The following RAB3C variants were observed in gnomAD, a reference collection of about 807,000 sequenced individuals.
The protein encoded by RAB3C is ras-related protein Rab-3C.
In RAB3C, 17 loss-of-function variants were observed where a neutral mutation model predicts 26.4. The ratio of observed to expected loss-of-function variants is 0.64; its 90% confidence interval spans 0.44 to 0.97. RAB3C has a LOEUF of 0.97. Ranked by LOEUF, RAB3C falls within the 50% of genes least tolerant of loss-of-function variation. The pLI is 0.00. For synonymous variants in RAB3C, 91 were observed against 95.9 expected (o/e 0.95, Z 0.30); for missense variants, 242 against 281.9 (o/e 0.86, Z 1.01).
At chr5:58,640,586 A>T (rs1290089502) in intron 2 of RAB3C, among the ~76,000 whole-genome samples, 1 of 152,218 alleles carries the variant, frequency 6.6e-6, no homozygotes, top group African/African-American at 2.4e-5. Context: ...AATTACTTCC[A>T]TGATGCTCAG....
chr5:58,714,931 C>A (rs555182791), intron 2 of RAB3C, among the ~76,000 whole-genome samples: 4 of 151,506 alleles, frequency 2.6e-5, no homozygotes, highest in African/African-American at 7.3e-5. Context: ...TATTAGTGGG[C>A]CAATTTCTTG....
At chr5:58,818,376 C>T (rs1743263119) in intron 3 of RAB3C, among the ~76,000 whole-genome samples, 2 of 152,202 alleles carry the variant, frequency 1.3e-5, no homozygotes, top group African/African-American at 4.8e-5. Flanking sequence ...CTTGATGTCT[C>T]ATCCCAGCTT....
At chr5:58,834,290 C>G (rs1386249373) in intron 4 of RAB3C, among the ~76,000 whole-genome samples, 3 of 152,230 alleles carry the variant, frequency 2.0e-5, no homozygotes, top group African/African-American at 7.2e-5. Flanking sequence ...CCTTGGCTAT[C>G]TTAAAGCTTT....
intron 1 of RAB3C, among the ~76,000 whole-genome samples, chr5:58,609,144 C>G (rs1746637613): frequency 6.6e-6 from 1 of 152,110 alleles, no homozygotes; most frequent in Non-Finnish European, 1.5e-5. Flanking sequence ...ACCTATGTAA[C>G]AAACCCGCAT....
At chr5:58,828,896 C>G (rs1366558605) in intron 4 of RAB3C, among the ~76,000 whole-genome samples, 4 of 147,046 alleles carry the variant, frequency 2.7e-5, no homozygotes, top group Admixed American at 1.3e-4. Context: ...TGTTATTTTA[C>G]CATGCTTTTT....
intron 2 of RAB3C, among the ~76,000 whole-genome samples, chr5:58,659,221 T>C (rs158954): frequency 0.67 from 101,923 of 152,136 alleles, 34,395 homozygotes; most frequent in Middle Eastern, 0.77. Flanking sequence ...TAGGTATATA[T>C]ATATATACAC....
In RAB3C at chr5:58,762,805, G is replaced by C. The variant is rs1741826111; in HGVS notation, c.371+36685G>C. Among the ~76,000 whole-genome samples the C allele has an allele frequency of 2.0e-5, 3 of 152,200 alleles. No homozygotes were observed. The South Asian group carries it at 6.2e-4, about 32-fold the overall frequency. On this transcript the variant is annotated intron_variant, in intron 3 of 4. Transcript: ENST00000282878. ...TACAGAGTTTTCCTACTAATAACTA[G>C]CCATCTGAGGAAACTACAATATGTT... is the stretch of plus-strand genomic sequence containing the variant.
intron 2 of RAB3C, among the ~76,000 whole-genome samples, chr5:58,648,963 T>C (rs1055186501): frequency 8.4e-4 from 128 of 152,152 alleles, no homozygotes; most frequent in African/African-American, 2.8e-3. Flanking sequence ...GGGAAAATGA[T>C]CTCACACCCA....
At chr5:58,627,973 C>T (rs564135045) in intron 2 of RAB3C, among the ~76,000 whole-genome samples, 2 of 151,944 alleles carry the variant, frequency 1.3e-5, no homozygotes, top group Non-Finnish European at 2.9e-5. Context: ...CTGGCTAACA[C>T]GGTGAAACCC....
At chr5:58,666,882 G>A (rs1186869888) in intron 2 of RAB3C, among the ~76,000 whole-genome samples, 3 of 152,220 alleles carry the variant, frequency 2.0e-5, no homozygotes, top group Admixed American at 2.0e-4. Context: ...CAGCAGTGAG[G>A]TGATGACGTG....
At chr5:58,708,669 G>A (rs1288394655) in intron 2 of RAB3C, among the ~76,000 whole-genome samples, 1 of 152,120 alleles carries the variant, frequency 6.6e-6, no homozygotes, top group African/African-American at 2.4e-5. Context: ...TTTTTGCATT[G>A]AAATAGGAAT....
At chr5:58,607,734 T>G (rs1746603761) in intron 1 of RAB3C, among the ~76,000 whole-genome samples, 1 of 152,114 alleles carries the variant, frequency 6.6e-6, no homozygotes, top group Non-Finnish European at 1.5e-5. Flanking sequence ...ACCCTACAAG[T>G]GAGAAGAGAG....
chr5:58,832,628 G>A (rs1383018032), intron 4 of RAB3C, among the ~76,000 whole-genome samples: 1 of 152,190 alleles, frequency 6.6e-6, no homozygotes, highest in East Asian at 1.9e-4. Flanking sequence ...CTCAGTGCTA[G>A]AGGAGCTTAA....
chr5:58,798,091 G>C (rs958977646), intron 3 of RAB3C, among the ~76,000 whole-genome samples: 2 of 100,588 alleles, frequency 2.0e-5, no homozygotes, highest in African/African-American at 2.9e-5. Flanking sequence ...GAACATACTT[G>C]GCGGGGGGGC....
At chr5:58,663,405 G>C (rs1747943929) in intron 2 of RAB3C, among the ~76,000 whole-genome samples, 1 of 150,062 alleles carries the variant, frequency 6.7e-6, no homozygotes, top group African/African-American at 2.5e-5. Context: ...CAGACATTCT[G>C]TCCTGTAAAC....
intron 4 of RAB3C, among the ~76,000 whole-genome samples, chr5:58,845,612 A>ATATATATATATATATGTGTG: frequency 2.4e-4 from 20 of 81,720 alleles, no homozygotes; most frequent in Non-Finnish European, 2.9e-4. Flanking sequence ...ATATATATAT[A>ATATATATATATATATGTGTG]TGTGTGTGTG....
At chr5:58,773,049 CA>C in intron 3 of RAB3C, among the ~76,000 whole-genome samples, 1 of 152,246 alleles carries the variant, frequency 6.6e-6, no homozygotes, top group Non-Finnish European at 1.5e-5. Flanking sequence ...GAGCAATAGA[CA>C]CACACTATGT....
intron 2 of RAB3C, among the ~76,000 whole-genome samples, chr5:58,624,294 A>G (rs1747007901): frequency 6.6e-6 from 1 of 152,012 alleles, no homozygotes; most frequent in East Asian, 1.9e-4. Flanking sequence ...CATCCTGGGG[A>G]CTCGGGAAGG....
intron 2 of RAB3C, among the ~76,000 whole-genome samples, chr5:58,618,071 CTTG>C (rs766990801): frequency 6.6e-6 from 1 of 151,132 alleles, no homozygotes; most frequent in Non-Finnish European, 1.5e-5. Flanking sequence ...ATTATTATGC[CTTG>C]TTGTCATGTG....
Sources: gnomAD v4.1 joint callset for allele counts (sites outside exome capture counted in the v4.1 genomes callset) on GRCh38, gnomAD v4.1.1 for gene constraint, MANE v1.5 for transcripts, NCBI Gene and HGNC (gene_info 2026-07-23, HGNC 2026-07-21) for gene names.